PSD3: variants seen among roughly 807,000 people sequenced by gnomAD.
The protein encoded by PSD3 is PH and SEC7 domain-containing protein 3.
Under a neutral mutation model 105.5 loss-of-function variants are expected in PSD3, and 49 were observed. That is an observed-to-expected ratio of 0.46 (90% CI 0.37 to 0.59). PSD3 has a LOEUF of 0.59. Ranked by LOEUF, PSD3 falls within the 20% of genes least tolerant of loss-of-function variation. The probability of loss-of-function intolerance (pLI) is 0.00; values close to 1 mark genes in which losing one functional copy is unlikely to be tolerated. For synonymous variants in PSD3, 557 were observed against 457.8 expected (o/e 1.22, Z -2.77); for missense variants, 1,561 against 1,263.8 (o/e 1.24, Z -3.57).
At chr8:18,898,720 G>C (rs1401200865) in intron 2 of PSD3, among the ~76,000 whole-genome samples, 1 of 152,078 alleles carries the variant, frequency 6.6e-6, no homozygotes, top group Non-Finnish European at 1.5e-5. Context: ...CTAAGAAAAT[G>C]ATGAAGAAGA....
chr8:18,681,096 T>G (rs1420036088), intron 9 of PSD3, among the ~76,000 whole-genome samples: 1 of 152,160 alleles, frequency 6.6e-6, no homozygotes, highest in East Asian at 1.9e-4. Flanking sequence ...GAAGCAATTA[T>G]TACACCTATT....
intron 2 of PSD3, among the ~76,000 whole-genome samples, chr8:18,911,549 G>C (rs1480324105): frequency 6.6e-6 from 1 of 152,176 alleles, no homozygotes; most frequent in African/African-American, 2.4e-5. Context: ...GGGAGAAACT[G>C]TATCAGAAGA....
At chr8:18,777,454 T>C (rs1808210000) in intron 8 of PSD3, among the ~76,000 whole-genome samples, 1 of 152,240 alleles carries the variant, frequency 6.6e-6, no homozygotes. Context: ...TTCCTTCCAC[T>C]AATGTTGAGT....
At chr8:18,856,533 G>A (rs991465737) in intron 4 of PSD3, among the ~76,000 whole-genome samples, 2 of 152,142 alleles carry the variant, frequency 1.3e-5, no homozygotes, top group Non-Finnish European at 1.5e-5. Flanking sequence ...TGCCAACTAC[G>A]AATAATGAAA....
At chr8:18,634,097 C>A (rs1807086960) in intron 10 of PSD3, among the ~76,000 whole-genome samples, 1 of 151,948 alleles carries the variant, frequency 6.6e-6, no homozygotes, top group South Asian at 2.1e-4. Flanking sequence ...CCTTTGCCCA[C>A]TTTTTTAGTA....
chr8:18,988,128 C>T (rs77445486), intron 1 of PSD3, among the ~76,000 whole-genome samples: 16,383 of 151,206 alleles, frequency 0.11, 1,079 homozygotes, highest in Non-Finnish European at 0.15. Context: ...TATATATATA[C>T]ACATGAATAA....
intron 9 of PSD3, among the ~76,000 whole-genome samples, chr8:18,670,695 G>A (rs778855996): frequency 1.3e-5 from 2 of 152,080 alleles, no homozygotes; most frequent in Non-Finnish European, 2.9e-5. Context: ...TAAGAAGGAG[G>A]TAAATACATT....
At chr8:19,046,488 T>C (rs906881695) in intron 1 of PSD3, among the ~76,000 whole-genome samples, 1 of 152,202 alleles carries the variant, frequency 6.6e-6, no homozygotes, top group Non-Finnish European at 1.5e-5. Flanking sequence ...CACTTATTCA[T>C]TCAACAAATG....
At chr8:18,565,159 G>A (rs761259846) in intron 14 of PSD3, among the ~76,000 whole-genome samples, 34 of 152,088 alleles carry the variant, frequency 2.2e-4, no homozygotes, top group Non-Finnish European at 4.1e-4. Context: ...TGAACGACCT[G>A]GTGGGGCTGG....
chr8:18,989,783 T>A (rs1198297829), intron 1 of PSD3, among the ~76,000 whole-genome samples: 5 of 152,200 alleles, frequency 3.3e-5, no homozygotes, highest in Non-Finnish European at 5.9e-5. Flanking sequence ...ACTTCCCACC[T>A]GACATATGCC....
At chr8:18,651,831 A>C (rs1013696280) in intron 10 of PSD3, among the ~76,000 whole-genome samples, 3 of 152,216 alleles carry the variant, frequency 2.0e-5, no homozygotes, top group Non-Finnish European at 4.4e-5. Flanking sequence ...AGCAGAGGTG[A>C]CTTCACGAAC....
At chr8:18,709,669 A>G (rs12676372) in intron 9 of PSD3, among the ~76,000 whole-genome samples, 2,817 of 152,052 alleles carry the variant, frequency 0.019, 182 homozygotes, top group East Asian at 0.17. Context: ...TGTTCTGCAG[A>G]CTCCCCTGGT....
chr8:18,530,404 G>A lies in PSD3; in HGVS notation c.*5339C>T, dbSNP rs565060449. The stretch of plus-strand genomic sequence containing the variant: ...AACCTAGGATACAGTACCCAATCCT[G>A]GGATGCCCTGATATACTTTAGTGCT... On this transcript the variant is annotated 3_prime_UTR_variant, in exon 16 of 16. Transcript: ENST00000327040. The A allele has an allele frequency of 6.6e-6, 1 of 152,532 alleles. No individual in the cohort carries two copies. The highest frequency in any genetic ancestry group is 1.9e-4 in the East Asian group (1 of 5,184). The allele number at this position is 152,532 out of a possible 1,614,324, so 9.4% of individuals were successfully genotyped here.
At chr8:18,928,554 A>T (rs1333270036) in intron 2 of PSD3, among the ~76,000 whole-genome samples, 1 of 152,202 alleles carries the variant, frequency 6.6e-6, no homozygotes, top group Non-Finnish European at 1.5e-5. Context: ...TTACAGCAAA[A>T]CTAGTCATAA....
At chr8:18,767,844 A>T (rs1489880050) in intron 8 of PSD3, among the ~76,000 whole-genome samples, 1 of 152,148 alleles carries the variant, frequency 6.6e-6, no homozygotes, top group Non-Finnish European at 1.5e-5. Context: ...ATGCTTTTCA[A>T]GGTCACGCTA....
intron 4 of PSD3, among the ~76,000 whole-genome samples, chr8:18,832,124 A>C (rs1813726861): frequency 6.6e-6 from 1 of 152,130 alleles, no homozygotes; most frequent in African/African-American, 2.4e-5. Flanking sequence ...CTAGCTCTTG[A>C]AATATGGTCT....
intron 1 of PSD3, among the ~76,000 whole-genome samples, chr8:19,066,046 C>A (rs1018409574): frequency 1.3e-5 from 2 of 152,192 alleles, no homozygotes; most frequent in Non-Finnish European, 2.9e-5. Flanking sequence ...CACAGTAACA[C>A]AAAAACTCAC....
chr8:18,763,807 G>A (rs1292544857), intron 9 of PSD3, among the ~76,000 whole-genome samples: 1 of 152,004 alleles, frequency 6.6e-6, no homozygotes, highest in East Asian at 1.9e-4. Context: ...GGTTTGTTAT[G>A]GAAGAGAATC....
intron 15 of PSD3, among the ~76,000 whole-genome samples, chr8:18,552,585 A>C (rs990988746): frequency 6.6e-6 from 1 of 152,204 alleles, no homozygotes; most frequent in Non-Finnish European, 1.5e-5. Flanking sequence ...TCTGCCCCAG[A>C]ACTTGATCTG....
Sources: gnomAD v4.1 joint callset for allele counts (sites outside exome capture counted in the v4.1 genomes callset) on GRCh38, gnomAD v4.1.1 for gene constraint, MANE v1.5 for transcripts, NCBI Gene and HGNC (gene_info 2026-07-23, HGNC 2026-07-21) for gene names.